Variants in SMCHD1 observed in about 807,000 individuals in gnomAD.
SMCHD1 encodes the protein structural maintenance of chromosomes flexible hinge domain containing 1.
Under a neutral mutation model 254.7 loss-of-function variants are expected in SMCHD1, and 78 were observed. That is an observed-to-expected ratio of 0.31 (90% CI 0.26 to 0.37). The LOEUF is 0.37. Among genes scored for constraint, SMCHD1 ranks in the 10% least tolerant of loss-of-function variants. The probability of loss-of-function intolerance (pLI) is 1.00; values close to 1 mark genes in which losing one functional copy is unlikely to be tolerated. For missense variants in SMCHD1, 1,840 were observed against 2,408.1 expected (o/e 0.76, Z 4.94); for synonymous variants, 766 against 794.9 (o/e 0.96, Z 0.61).
intron 36 of SMCHD1, among the ~76,000 whole-genome samples, chr18:2,763,357 C>CTAAAAG (rs1345405568): frequency 6.6e-6 from 1 of 152,112 alleles, no homozygotes; most frequent in Non-Finnish European, 1.5e-5. Flanking sequence ...TCTGTAGGTA[C>CTAAAAG]TAAAAGTACA....
At chr18:2,801,184 T>C (rs890118338) in intron 47 of SMCHD1, 6 of 152,222 alleles carry the variant, frequency 3.9e-5, no homozygotes, top group African/African-American at 1.2e-4. Context: ...ATTCATTGAA[T>C]GCCCAGCAAC....
At chr18:2,788,243 C>T (rs1016868992) in intron 45 of SMCHD1, among the ~76,000 whole-genome samples, 1 of 151,954 alleles carries the variant, frequency 6.6e-6, no homozygotes, top group African/African-American at 2.4e-5. Flanking sequence ...AGTATAAGAG[C>T]AAATCAGAGC....
intron 45 of SMCHD1, among the ~76,000 whole-genome samples, chr18:2,793,656 C>CAAAAAAAAAAAAAAAAAAAAAA (rs1277905569): frequency 3.9e-4 from 17 of 43,866 alleles, no homozygotes; most frequent in East Asian, 3.8e-3. Context: ...GACTCCGTCT[C>CAAAAAAAAAAAAAAAAAAAAAA]AAAAAAAAAA....
chr18:2,743,761 G>A lies in SMCHD1; in HGVS notation c.3634G>A (p.Glu1212Lys). ...TTCTCAATGTACTTTTCCTCACTAG[G>A]AAAACACACAGAGTATAAGTGTAAG... Reference protein sequence around the residue: ...DSSNLKTTFQENTQSISVRGI... With the variant: ...DSSNLKTTFQKNTQSISVRGI... The change falls in exon 29 of 48, where the codon GAA becomes AAA. Residue 1212 changes from glutamate to lysine, a missense_variant and splice_region_variant. This residue lies in a region of SMCHD1 where 881 missense variants were observed against 1,009.5 expected (regional missense o/e 0.87). Coordinates refer to ENST00000320876, the MANE Select transcript of SMCHD1 (RefSeq NM_015295.3). 1 of 1,590,660 alleles carries A rather than the reference G, an allele frequency of 6.3e-7. No homozygotes were observed. The highest frequency in any genetic ancestry group is 1.1e-5 in the South Asian group (1 of 88,326).
chr18:2,726,598 G>C (rs1361996549), intron 22 of SMCHD1, 74 bp downstream of exon 22: 3 of 716,128 alleles, frequency 4.2e-6, no homozygotes. Flanking sequence ...TGAAGTTAGA[G>C]GTTTTTGGGC....
rs2076091519 is a variant in SMCHD1 at position 2,777,789 on chromosome 18, A to T, written c.5367-17A>T. On this transcript the variant is annotated splice_polypyrimidine_tract_variant and intron_variant, in intron 42 of 47. Transcript: ENST00000320876. ...GTCATGTGCTTTAATATCTTTTTAA[A>T]ATTTCTTTTTATTTAGATCTCTACC... 1.4e-6 allele frequency: 2 copies of T among 1,383,790 alleles called. No homozygotes were observed. Among genetic ancestry groups the T allele is most frequent in the South Asian group, 2.8e-5 (2 of 72,402 alleles). 85.7% of individuals were successfully genotyped at this position (1,383,790 alleles called of 1,614,324 possible). A position where few individuals can be genotyped will look rare whatever the true frequency, so the allele number is the denominator to read the frequency against.
At position 2,706,505 on chromosome 18, in the gene SMCHD1, GAA is replaced by G. The variant is rs748829689; in HGVS notation, c.2063+39_2063+40del. The G allele has an allele frequency of 5.6e-4, 779 of 1,399,566 alleles. 1 individual carries two copies. The highest frequency in any genetic ancestry group is 6.8e-4 in the Non-Finnish European group (691 of 1,010,146). 86.7% of individuals were successfully genotyped at this position (1,399,566 alleles called of 1,614,324 possible). ...ACTTCAAGATGCATGACAAAAATAA[GAA>G]AAATTGGAAAGAATTGTGCTGTAAG... On this transcript the variant is annotated intron_variant, in intron 15 of 47. Coordinates refer to ENST00000320876, the MANE Select transcript of SMCHD1 (RefSeq NM_015295.3).
intron 45 of SMCHD1, among the ~76,000 whole-genome samples, chr18:2,794,709 G>A (rs1227412335): frequency 6.6e-6 from 1 of 152,094 alleles, no homozygotes; most frequent in Non-Finnish European, 1.5e-5. Flanking sequence ...CTTGATCATT[G>A]TGGAAAAAAA....
At chr18:2,794,163 A>AT (rs2143853176) in intron 45 of SMCHD1, among the ~76,000 whole-genome samples, 1 of 152,258 alleles carries the variant, frequency 6.6e-6, no homozygotes, top group South Asian at 2.1e-4. Context: ...AAATGTGACC[A>AT]TTTTAAACTG....
chr18:2,792,246 A>G (rs546273466), intron 45 of SMCHD1, among the ~76,000 whole-genome samples: 3 of 152,332 alleles, frequency 2.0e-5, no homozygotes, highest in Admixed American at 2.0e-4. Flanking sequence ...GGAGTTGATT[A>G]CCTTTTCTAT....
chr18:2,694,405 A>G (rs111803562), intron 7 of SMCHD1, 122 bp from the exon 8 acceptor site: 9 of 864,884 alleles, frequency 1.0e-5, no homozygotes, highest in Non-Finnish European at 1.6e-5. Flanking sequence ...GTTTCCTCCA[A>G]AGCTTTTCTG....
In SMCHD1 at chr18:2,719,995, A is replaced by AT. The variant is rs562145687; in HGVS notation, c.2458+1568dup. The stretch of plus-strand genomic sequence containing the variant: ...TGGCCCTGTCTAATTTTTAAAAAAC[A>AT]TTTTTTTGTAGAGACAGGGTCTTGC... On this transcript the variant is annotated intron_variant, in intron 19 of 47. Coordinates refer to ENST00000320876, the MANE Select transcript of SMCHD1 (RefSeq NM_015295.3). Among the ~76,000 whole-genome samples the AT allele has an allele frequency of 5.1e-3, 766 of 151,258 alleles. 4 individuals carry two copies. Among genetic ancestry groups the AT allele is most frequent in the African/African-American group, 0.017 (713 of 41,188 alleles).
intron 25 of SMCHD1, among the ~76,000 whole-genome samples, chr18:2,735,841 C>A (rs2075238305): frequency 6.6e-6 from 1 of 152,176 alleles, no homozygotes; most frequent in African/African-American, 2.4e-5. Flanking sequence ...CCAAAGCAAT[C>A]TACAGATTCA....
At chr18:2,679,188 C>T (rs1427950508) in intron 5 of SMCHD1, among the ~76,000 whole-genome samples, 2 of 147,764 alleles carry the variant, frequency 1.4e-5, no homozygotes, top group Non-Finnish European at 3.0e-5. Context: ...GGGTAAAGAA[C>T]TCTTGGTTGG....
Position 2,763,677 on chromosome 18 carries a change from C to A in SMCHD1, c.4607C>A (p.Thr1536Asn), listed in dbSNP as rs775968956. The A allele has an allele frequency of 6.3e-7, 1 of 1,599,258 alleles. No individual in the cohort carries two copies. Among genetic ancestry groups the A allele is most frequent in the East Asian group, 2.3e-5 (1 of 44,032 alleles). Residue 1536 changes from threonine to asparagine, a missense_variant, in exon 37 of 48, where the codon ACT becomes AAT. Physicochemically the swap from Thr to Asn is moderately conservative, Grantham distance 65. Transcript: ENST00000320876. ...CATACTGGAATTGATTTGGTTGGCACTATAATAGCCACCATTAAAGGCTCT... is the reference window on the plus strand; with the variant it reads ...CATACTGGAATTGATTTGGTTGGCAATATAATAGCCACCATTAAAGGCTCT... Reference protein sequence around the residue: ...DNHTGIDLVGTIIATIKGSNE... With the variant: ...DNHTGIDLVGNIIATIKGSNE...
intron 8 of SMCHD1, among the ~76,000 whole-genome samples, 165 bp downstream of exon 8, chr18:2,694,858 A>G (rs983998930): frequency 2.6e-5 from 4 of 152,134 alleles, no homozygotes; most frequent in Non-Finnish European, 5.9e-5. Flanking sequence ...ACAGCTCTCT[A>G]TTCATTTATT....
chr18:2,732,197 A>G (rs1466616326), intron 24 of SMCHD1, 68 bp from the exon 25 acceptor site: 31 of 1,202,110 alleles, frequency 2.6e-5, no homozygotes, highest in Non-Finnish European at 3.3e-5. Context: ...TATTGAAAGT[A>G]AATTCTTCAG....
chr18:2,720,361 C>T (rs1162179336), intron 19 of SMCHD1, among the ~76,000 whole-genome samples: 1 of 152,208 alleles, frequency 6.6e-6, no homozygotes, highest in African/African-American at 2.4e-5. Flanking sequence ...TCTCTTCCTA[C>T]TTCATGAATT....
At position 2,697,197 on chromosome 18, in the gene SMCHD1, A is replaced by C. The variant is rs1032562233; in HGVS notation, c.1131+75A>C. 7.5e-6 allele frequency: 5 copies of C among 663,476 alleles called. No homozygotes were observed. The African/African-American group carries it at 9.4e-5, about 13-fold the overall frequency. 41.1% of individuals were successfully genotyped at this position (663,476 alleles called of 1,614,324 possible). A position where few individuals can be genotyped will look rare whatever the true frequency, so the allele number is the denominator to read the frequency against. On this transcript the variant is annotated intron_variant, in intron 9 of 47. Coordinates refer to ENST00000320876, the MANE Select transcript of SMCHD1 (RefSeq NM_015295.3). ...CCAGTTCCAAATGACTCAGGATAATAAAAAACACTTGATAATTAGACAACT... is the reference window on the plus strand; with the variant it reads ...CCAGTTCCAAATGACTCAGGATAATCAAAAACACTTGATAATTAGACAACT...
Sources: gnomAD v4.1 joint callset for allele counts (sites outside exome capture counted in the v4.1 genomes callset) on GRCh38, gnomAD v4.1.1 for gene constraint, gnomAD v4.1.1 regional missense constraint, MANE v1.5 for transcripts, NCBI Gene and HGNC (gene_info 2026-07-23, HGNC 2026-07-21) for gene names.